TOX: variants seen among roughly 807,000 people sequenced by gnomAD.
TOX encodes the protein thymocyte selection-associated high mobility group box protein TOX.
Under a neutral mutation model 53.7 loss-of-function variants are expected in TOX, and 11 were observed. The observed-to-expected ratio is 0.20, with a 90% CI of 0.13 to 0.34. TOX has a LOEUF of 0.34. Among genes scored for constraint, TOX ranks in the 10% least tolerant of loss-of-function variants. TOX has a pLI of 1.00. For synonymous variants in TOX, 225 were observed against 245.3 expected (o/e 0.92, Z 0.77); for missense variants, 570 against 664.6 (o/e 0.86, Z 1.56).
rs150049707 is a variant in TOX, at chr8:59,028,571, A to C, written c.103-68563T>G. 1.9e-3 allele frequency among the ~76,000 whole-genome samples: 293 copies of C among 152,282 alleles called. 9 individuals are homozygous for C. In the East Asian group the frequency reaches 0.047, roughly 24 times the overall value. On this transcript the variant is annotated intron_variant, in intron 1 of 8. Coordinates refer to ENST00000361421, the MANE Select transcript of TOX (RefSeq NM_014729.3). ...GATAGATAGATACATGCATACATACATACATACATACATACATATATAGAT... is the reference window on the plus strand; with the variant it reads ...GATAGATAGATACATGCATACATACCTACATACATACATACATATATAGAT...
At chr8:59,011,258 A>T (rs1002907262) in intron 1 of TOX, among the ~76,000 whole-genome samples, 2 of 152,062 alleles carry the variant, frequency 1.3e-5, no homozygotes, top group Admixed American at 6.6e-5. Flanking sequence ...ATCCATCAAA[A>T]CCTCTTTCTC....
intron 1 of TOX, among the ~76,000 whole-genome samples, chr8:59,042,558 T>G (rs1487607394): frequency 6.6e-6 from 1 of 152,200 alleles, no homozygotes; most frequent in Non-Finnish European, 1.5e-5. Context: ...CACAACAGGT[T>G]CTCCACAAAT....
At chr8:58,933,215 A>T (rs1180531156) in intron 3 of TOX, among the ~76,000 whole-genome samples, 1 of 152,174 alleles carries the variant, frequency 6.6e-6, no homozygotes, top group East Asian at 1.9e-4. Flanking sequence ...CAATCACCAC[A>T]TATAGGCCAG....
intron 3 of TOX, among the ~76,000 whole-genome samples, chr8:58,855,673 T>C (rs1210307352): frequency 6.6e-6 from 1 of 152,210 alleles, no homozygotes; most frequent in Non-Finnish European, 1.5e-5. Flanking sequence ...TCATGAGCCA[T>C]GGGCTCAAAA....
At chr8:58,895,287 T>C in intron 3 of TOX, among the ~76,000 whole-genome samples, 1 of 152,212 alleles carries the variant, frequency 6.6e-6, no homozygotes, top group East Asian at 1.9e-4. Flanking sequence ...GTAGAGTTAG[T>C]CTTTGGAAAA....
chr8:58,980,518 G>T (rs1376000733), intron 1 of TOX, among the ~76,000 whole-genome samples: 1 of 152,108 alleles, frequency 6.6e-6, no homozygotes, highest in African/African-American at 2.4e-5. Flanking sequence ...ACTAAGAATA[G>T]GTATCCCTTT....
intron 1 of TOX, among the ~76,000 whole-genome samples, chr8:59,045,366 T>C (rs571605564): frequency 6.6e-6 from 1 of 152,354 alleles, no homozygotes; most frequent in African/African-American, 2.4e-5. Context: ...TAAAAGATTT[T>C]TCAAAAATGC....
Position 58,851,874 on chromosome 8 carries a change from T to C in TOX, c.412-69A>G. The C allele has an allele frequency of 1.6e-6, 2 of 1,220,150 alleles. No individual in the cohort carries two copies. The highest frequency in any genetic ancestry group is 2.1e-6 in the Non-Finnish European group (2 of 968,312). 75.6% of individuals were successfully genotyped at this position (1,220,150 alleles called of 1,614,324 possible). The stretch of plus-strand genomic sequence containing the variant: ...AGGAAAGGAGTAATTTTAACAAATA[T>C]GTTTTGGGCAAAAAAGTAATAATTC... On this transcript the variant is annotated intron_variant, in intron 3 of 8. Coordinates refer to ENST00000361421, the MANE Select transcript of TOX (RefSeq NM_014729.3). The surrounding 1 kb of genome is among the most constrained non-coding windows in gnomAD (Gnocchi z 4.4).
Position 59,118,872 on chromosome 8 carries a change from A to G in TOX, c.102+14T>C. 1 of 1,567,232 alleles carries G rather than the reference A, an allele frequency of 6.4e-7. No homozygotes were observed. Among genetic ancestry groups the G allele is most frequent in the Non-Finnish European group, 8.7e-7 (1 of 1,152,440 alleles). ...GCAGCAAGAACACGGTGGAAACAAA[A>G]GCAGAGCGTTCACCTTGTTGCAATA... On this transcript the variant is annotated intron_variant, in intron 1 of 8. Transcript: ENST00000361421. The surrounding 1 kb of genome is among the most constrained non-coding windows in gnomAD (Gnocchi z 4.1).
At chr8:58,918,995 C>G (rs1397063149) in intron 3 of TOX, among the ~76,000 whole-genome samples, 1 of 148,010 alleles carries the variant, frequency 6.8e-6, no homozygotes, top group East Asian at 2.0e-4. Context: ...ATCCAACTTA[C>G]AAGGGATGTG....
chr8:58,895,695 C>T lies in TOX; in HGVS notation c.411+43607G>A, dbSNP rs539986869. ...TCATAGGCTTCTGTTCTGAAATTAT[C>T]CTATGCTGGAAGATGCCACAACTCC... is the stretch of plus-strand genomic sequence containing the variant. On this transcript the variant is annotated intron_variant, in intron 3 of 8. Transcript: ENST00000361421. Among the ~76,000 whole-genome samples, 9 of 152,312 alleles carry T rather than the reference C, an allele frequency of 5.9e-5. No homozygotes were observed. The South Asian group carries it at 1.2e-3, about 21-fold the overall frequency.
chr8:58,875,712 G>A (rs556840430), intron 3 of TOX, among the ~76,000 whole-genome samples: 1 of 152,204 alleles, frequency 6.6e-6, no homozygotes, highest in Non-Finnish European at 1.5e-5. Flanking sequence ...AGTGAGCAGA[G>A]GGTATGGCTC....
rs959940173 is a variant in TOX, at chr8:58,839,627, A to T, written c.694-1316T>A. ...CGGCTCTAAAATTATATGAGTCTAC[A>T]TGAATACAAAATAGGGCTGCATCTG... On this transcript the variant is annotated intron_variant, in intron 4 of 8. Coordinates refer to ENST00000361421, the MANE Select transcript of TOX (RefSeq NM_014729.3). Among the ~76,000 whole-genome samples the T allele has an allele frequency of 2.0e-5, 3 of 152,256 alleles. No homozygotes were observed. In the East Asian group the frequency reaches 5.8e-4, roughly 29 times the overall value.
intron 1 of TOX, among the ~76,000 whole-genome samples, chr8:59,088,803 A>C (rs967650466): frequency 8.5e-5 from 13 of 152,238 alleles, no homozygotes; most frequent in African/African-American, 2.9e-4. Flanking sequence ...CTTGCAAATC[A>C]AAACAAAATG....
intron 1 of TOX, among the ~76,000 whole-genome samples, chr8:58,974,844 A>G (rs1291733774): frequency 6.6e-6 from 1 of 152,188 alleles, no homozygotes; most frequent in Non-Finnish European, 1.5e-5. Context: ...CATTAAAATC[A>G]TTAGTATTCT....
At chr8:58,968,188 T>C (rs566696658) in intron 1 of TOX, among the ~76,000 whole-genome samples, 73 of 152,224 alleles carry the variant, frequency 4.8e-4, no homozygotes, top group Non-Finnish European at 9.1e-4. Context: ...GAAAAGAATA[T>C]GTGGATGAAA....
intron 1 of TOX, among the ~76,000 whole-genome samples, chr8:58,989,564 T>C (rs929471842): frequency 6.6e-6 from 1 of 152,182 alleles, no homozygotes; most frequent in African/African-American, 2.4e-5. Context: ...CATGTCTGCT[T>C]GAGTAATTGT....
intron 3 of TOX, among the ~76,000 whole-genome samples, chr8:58,921,386 A>G (rs1812072848): frequency 6.6e-6 from 1 of 152,226 alleles, no homozygotes; most frequent in Non-Finnish European, 1.5e-5. Context: ...CAAATGTCAA[A>G]AACAGTTCTT....
rs1366901114 is a variant in TOX at position 58,978,233 on chromosome 8, G to A, written c.103-18225C>T. 7.9e-5 allele frequency among the ~76,000 whole-genome samples: 12 copies of A among 152,326 alleles called. No homozygotes were observed. In the East Asian group the frequency reaches 1.9e-3, roughly 24 times the overall value. ...TAGATAGTCCCAGGAAATTCACAAA[G>A]TACATGATCTCCCAGATTAATAACC... On this transcript the variant is annotated intron_variant, in intron 1 of 8. Transcript: ENST00000361421.
Sources: gnomAD v4.1 joint callset for allele counts (sites outside exome capture counted in the v4.1 genomes callset) on GRCh38, gnomAD v4.1.1 for gene constraint, Gnocchi (gnomAD v3.1) non-coding constraint, MANE v1.5 for transcripts, NCBI Gene and HGNC (gene_info 2026-07-23, HGNC 2026-07-21) for gene names.